Variants in SLC4A10 observed in about 807,000 individuals in gnomAD.
SLC4A10 encodes the protein sodium-driven chloride bicarbonate exchanger.
SLC4A10 carries 42 observed loss-of-function variants against 137.7 expected under a neutral mutation model. That is an observed-to-expected ratio of 0.30 (90% CI 0.24 to 0.39). SLC4A10 has a LOEUF of 0.39. Ranked by LOEUF, SLC4A10 falls within the 10% of genes least tolerant of loss-of-function variation. The probability of loss-of-function intolerance (pLI) is 1.00; values close to 1 mark genes in which losing one functional copy is unlikely to be tolerated. For synonymous variants in SLC4A10, 474 were observed against 464.1 expected, an observed-to-expected ratio of 1.02 and a Z score of -0.27; for missense variants, 925 against 1,355.0, an observed-to-expected ratio of 0.68 and a Z score of 4.98.
chr2:161,668,958 T>C (rs1051697695), intron 1 of SLC4A10, among the ~76,000 whole-genome samples: 7 of 151,932 alleles, frequency 4.6e-5, no homozygotes, highest in Non-Finnish European at 8.8e-5. Context: ...TGCTATCAAG[T>C]TCTAGCTTTT....
At chr2:161,787,369 C>A (rs903411144) in intron 2 of SLC4A10, among the ~76,000 whole-genome samples, 1 of 151,998 alleles carries the variant, frequency 6.6e-6, no homozygotes, top group Admixed American at 6.6e-5. Context: ...TTAGCATTGA[C>A]CTTGGTTAGT....
intron 15 of SLC4A10, among the ~76,000 whole-genome samples, chr2:161,913,756 C>G (rs1009306137): frequency 6.6e-6 from 1 of 152,144 alleles, no homozygotes; most frequent in East Asian, 1.9e-4. Flanking sequence ...ATGGTGTGAT[C>G]TCTTTCTTCC....
intron 1 of SLC4A10, among the ~76,000 whole-genome samples, chr2:161,758,316 T>G (rs970843381): frequency 6.6e-6 from 1 of 151,982 alleles, no homozygotes; most frequent in African/African-American, 2.4e-5. Context: ...TTTCATAACT[T>G]ATACCTGAAA....
intron 1 of SLC4A10, among the ~76,000 whole-genome samples, chr2:161,644,636 T>C (rs1458658712): frequency 6.6e-6 from 1 of 152,218 alleles, no homozygotes; most frequent in Non-Finnish European, 1.5e-5. Context: ...TTTTTACTTA[T>C]AGCAAGGTTT....
chr2:161,732,493 T>A (rs1244071306), intron 1 of SLC4A10, among the ~76,000 whole-genome samples: 1 of 152,222 alleles, frequency 6.6e-6, no homozygotes, highest in East Asian at 1.9e-4. Context: ...AATGTACAAC[T>A]TAAAAGATAC....
At chr2:161,881,710 C>A (rs1376761801) in intron 9 of SLC4A10, among the ~76,000 whole-genome samples, 1 of 151,942 alleles carries the variant, frequency 6.6e-6, no homozygotes, top group Non-Finnish European at 1.5e-5. Context: ...CTATTGATTT[C>A]TTTAAAAGCA....
chr2:161,626,711 G>A (rs1463975460), intron 1 of SLC4A10, among the ~76,000 whole-genome samples: 1 of 152,048 alleles, frequency 6.6e-6, no homozygotes, highest in Non-Finnish European at 1.5e-5. Flanking sequence ...TGAGGCACAG[G>A]GAGTCTGAAT....
intron 1 of SLC4A10, among the ~76,000 whole-genome samples, chr2:161,750,630 C>T (rs2089490962): frequency 6.6e-6 from 1 of 151,728 alleles, no homozygotes; most frequent in Admixed American, 6.6e-5. Context: ...TGTCTTAAGA[C>T]TTGTTTTGTG....
At chr2:161,738,494 A>G (rs1303807485) in intron 1 of SLC4A10, among the ~76,000 whole-genome samples, 2 of 152,198 alleles carry the variant, frequency 1.3e-5, no homozygotes. Context: ...TGGTGTTTGT[A>G]TTATTTGAAC....
rs200493289 is a variant in SLC4A10, at chr2:161,662,361, TAA to T, written c.48+37798_48+37799del. ...TAATTTATTATAATTAGTGTGTATT[TAA>T]AAGAGTTTTCTCTCTAAGGAGATGC... On this transcript the variant is annotated intron_variant, in intron 1 of 26. Transcript: ENST00000446997. 1.5e-4 allele frequency among the ~76,000 whole-genome samples: 23 copies of T among 152,286 alleles called. No individual in the cohort carries two copies. The East Asian group carries it at 3.3e-3, about 22-fold the overall frequency.
intron 1 of SLC4A10, among the ~76,000 whole-genome samples, chr2:161,644,365 A>T (rs1029727793): frequency 5.3e-5 from 8 of 152,060 alleles, no homozygotes; most frequent in Admixed American, 1.3e-4. Context: ...GCGTGGTGGT[A>T]CGTTGCTGTA....
intron 1 of SLC4A10, among the ~76,000 whole-genome samples, chr2:161,684,234 G>A (rs576668956): frequency 2.0e-5 from 3 of 152,038 alleles, no homozygotes; most frequent in Non-Finnish European, 4.4e-5. Flanking sequence ...TCTTTTTAAG[G>A]CTGAATAACA....
chr2:161,967,591 C>T lies in SLC4A10; in HGVS notation c.3159+2418C>T, dbSNP rs537417568. On this transcript the variant is annotated intron_variant, in intron 23 of 26. Transcript: ENST00000446997. ...ACATTTATTCCTGATTTAATCCACC[C>T]CTACTATGGCCTCAGTCACTCTCTC... Among the ~76,000 whole-genome samples the T allele has an allele frequency of 5.5e-4, 83 of 152,132 alleles. 2 individuals carry two copies. The highest frequency in any genetic ancestry group is 6.6e-4 in the Non-Finnish European group (45 of 68,020).
chr2:161,680,097 C>T (rs558587873), intron 1 of SLC4A10, among the ~76,000 whole-genome samples: 27 of 152,018 alleles, frequency 1.8e-4, no homozygotes, highest in Non-Finnish European at 3.7e-4. Flanking sequence ...GATGAAGGTT[C>T]GCTTCATCTA....
intron 3 of SLC4A10, among the ~76,000 whole-genome samples, chr2:161,808,800 C>T (rs756039369): frequency 1.2e-4 from 19 of 152,016 alleles, no homozygotes; most frequent in Non-Finnish European, 1.8e-4. Context: ...ACCACATTTT[C>T]TTCATCCACT....
chr2:161,694,018 C>T (rs1162496756), intron 1 of SLC4A10, among the ~76,000 whole-genome samples: 3 of 151,932 alleles, frequency 2.0e-5, no homozygotes, highest in Non-Finnish European at 4.4e-5. Context: ...AAAGTGTTGC[C>T]AATCATTGAG....
At chr2:161,811,087 T>C (rs1480064703) in intron 3 of SLC4A10, among the ~76,000 whole-genome samples, 1 of 152,064 alleles carries the variant, frequency 6.6e-6, no homozygotes, top group African/African-American at 2.4e-5. Flanking sequence ...TTATCCCTTG[T>C]TCAACCTTGG....
At chr2:161,687,721 CA>C (rs1412610582) in intron 1 of SLC4A10, among the ~76,000 whole-genome samples, 1 of 152,128 alleles carries the variant, frequency 6.6e-6, no homozygotes, top group Non-Finnish European at 1.5e-5. Flanking sequence ...GTAAGTGAAT[CA>C]GGGGGGCAAT....
At chr2:161,629,693 T>G (rs1366062824) in intron 1 of SLC4A10, among the ~76,000 whole-genome samples, 1 of 151,936 alleles carries the variant, frequency 6.6e-6, no homozygotes, top group African/African-American at 2.4e-5. Flanking sequence ...TCCTCTGTGC[T>G]CTGCCTATTC....
Sources: allele counts gnomAD v4.1 joint callset (sites outside exome capture counted in the v4.1 genomes callset), GRCh38; gene constraint gnomAD v4.1.1; transcripts MANE v1.5; gene names NCBI Gene and HGNC (gene_info 2026-07-23, HGNC 2026-07-21).